The following SASH1 variants were observed in gnomAD, a reference collection of about 807,000 sequenced individuals.
SASH1 encodes SAM and SH3 domain-containing protein 1.
SASH1 carries 44 observed loss-of-function variants against 125.2 expected under a neutral mutation model. The observed-to-expected ratio is 0.35, with a 90% CI of 0.28 to 0.45. SASH1 has a LOEUF of 0.45. Ranked by LOEUF, SASH1 falls within the 20% of genes least tolerant of loss-of-function variation. The probability of loss-of-function intolerance (pLI) is 1.00; values close to 1 mark genes in which losing one functional copy is unlikely to be tolerated. For synonymous variants in SASH1, 639 were observed against 649.1 expected (o/e 0.98, Z 0.24); for missense variants, 1,426 against 1,614.5 (o/e 0.88, Z 2.00).
In SASH1 at chr6:148,511,324, T is replaced by TACACAC. The variant is rs58822082; in HGVS notation, c.730-2955_730-2950dup. Among the ~76,000 whole-genome samples the TACACAC allele has an allele frequency of 3.4e-3, 457 of 135,456 alleles. 1 individual carries two copies. The highest frequency in any genetic ancestry group is 4.0e-3 in the Non-Finnish European group (254 of 63,438). The allele number at this position is 135,456 out of a possible 152,430, so 88.9% of individuals were successfully genotyped here. A position where few individuals can be genotyped will look rare whatever the true frequency, so the allele number is the denominator to read the frequency against. ...GCTGACTTCTAGGTTAATTTTCTAT[T>TACACAC]ACACACACACACACACACACACACA... On this transcript the variant is annotated intron_variant, in intron 8 of 19. Coordinates refer to ENST00000367467, the MANE Select transcript of SASH1 (RefSeq NM_015278.5).
At chr6:148,349,229 AT>A (rs1781620886) in intron 1 of SASH1, among the ~76,000 whole-genome samples, 2 of 42,380 alleles carry the variant, frequency 4.7e-5, no homozygotes, top group South Asian at 1.6e-3. Context: ...TAACTTTTTT[AT>A]TTCATTCTTT....
the SASH1 span, among the ~76,000 whole-genome samples, chr6:148,242,154 C>T: frequency 6.6e-6 from 1 of 152,218 alleles, no homozygotes; most frequent in South Asian, 2.1e-4. Context: ...TTGCTATTTA[C>T]ATGCAACTAA....
chr6:148,513,306 G>A (rs545585527), intron 8 of SASH1: 318 of 985,450 alleles, frequency 3.2e-4, no homozygotes, highest in African/African-American at 5.4e-4. Context: ...TTGTCAGGGC[G>A]TGCGACGTGA....
Position 148,287,095 on chromosome 6 carries a change from T to TTCAG in SASH1, n.74+14718_74+14719insTCAG, listed in dbSNP as rs1417680761. On this transcript the variant is annotated intron_variant and non_coding_transcript_variant, in intron 1 of 3. Coordinates refer to the SASH1 transcript ENST00000367469. ...GGAGGTGCCGTTCTTGCCCCAGGTCTCTGATGGCATCAGGAGGAGACTTCA... is the reference window on the plus strand; with the variant it reads ...GGAGGTGCCGTTCTTGCCCCAGGTCTTCAGCTGATGGCATCAGGAGGAGACTTCA... Among the ~76,000 whole-genome samples, 12 of 152,212 alleles carry TTCAG rather than the reference T, an allele frequency of 7.9e-5. No individual in the cohort carries two copies. In the South Asian group the frequency reaches 1.2e-3, roughly 16 times the overall value.
chr6:148,511,165 T>G (rs1052443556), intron 8 of SASH1, among the ~76,000 whole-genome samples: 1 of 152,272 alleles, frequency 6.6e-6, no homozygotes, highest in South Asian at 2.1e-4. Flanking sequence ...GAGAGAATTT[T>G]TTAAAGGCAA....
At chr6:148,207,155 T>C in the SASH1 span, among the ~76,000 whole-genome samples, 1 of 152,180 alleles carries the variant, frequency 6.6e-6, no homozygotes, top group Non-Finnish European at 1.5e-5. Context: ...ACCCTGATTT[T>C]CCATGTCCTC....
intron 1 of SASH1, among the ~76,000 whole-genome samples, chr6:148,277,390 T>A (rs918557721): frequency 6.6e-6 from 1 of 152,220 alleles, no homozygotes; most frequent in Non-Finnish European, 1.5e-5. Context: ...GACATTGGGT[T>A]CACCGTGCTC....
intron 1 of SASH1, among the ~76,000 whole-genome samples, chr6:148,303,671 C>T (rs922656772): frequency 1.3e-5 from 2 of 150,350 alleles, no homozygotes; most frequent in African/African-American, 4.9e-5. Context: ...GGCGGGCACC[C>T]ATAATCCCAA....
chr6:148,422,617 C>G (rs1775619992), intron 2 of SASH1, among the ~76,000 whole-genome samples: 2 of 152,176 alleles, frequency 1.3e-5, no homozygotes, highest in Non-Finnish European at 2.9e-5. Flanking sequence ...GCACTTTTGC[C>G]ATTCAATAAA....
chr6:148,251,347 G>A, the SASH1 span, among the ~76,000 whole-genome samples: 1 of 152,082 alleles, frequency 6.6e-6, no homozygotes, highest in Non-Finnish European at 1.5e-5. Context: ...CATTTAAAAA[G>A]TATCAATACC....
At chr6:148,232,769 T>C in the SASH1 span, among the ~76,000 whole-genome samples, 2 of 152,192 alleles carry the variant, frequency 1.3e-5, no homozygotes, top group Non-Finnish European at 2.9e-5. Context: ...AAACTTGCAA[T>C]GTGTACCTCA....
intron 2 of SASH1, among the ~76,000 whole-genome samples, chr6:148,423,866 G>C (rs1418732469): frequency 6.6e-6 from 1 of 152,084 alleles, no homozygotes; most frequent in African/African-American, 2.4e-5. Context: ...GATTGGGCTA[G>C]AACTTGCAGT....
At chr6:148,386,588 G>A (rs1370395135) in intron 1 of SASH1, among the ~76,000 whole-genome samples, 2 of 152,198 alleles carry the variant, frequency 1.3e-5, no homozygotes, top group Non-Finnish European at 2.9e-5. Flanking sequence ...GCTGTTGGGA[G>A]ACATGGACTT....
chr6:148,474,847 C>G (rs926192875), intron 7 of SASH1, among the ~76,000 whole-genome samples: 2 of 152,212 alleles, frequency 1.3e-5, no homozygotes, highest in Non-Finnish European at 2.9e-5. Flanking sequence ...GTTGGAATTA[C>G]AGGCATAAGC....
chr6:148,429,236 G>A (rs1775954470), intron 2 of SASH1, among the ~76,000 whole-genome samples: 1 of 151,714 alleles, frequency 6.6e-6, no homozygotes, highest in South Asian at 2.1e-4. Context: ...ATTAAAGGAA[G>A]GAAGCTGGGC....
chr6:148,315,492 C>T (rs564707744), intron 1 of SASH1, among the ~76,000 whole-genome samples: 6 of 152,220 alleles, frequency 3.9e-5, no homozygotes, highest in Admixed American at 3.9e-4. Flanking sequence ...TTTAAAAGAC[C>T]GTACTTTTTT....
At chr6:148,334,648 C>T (rs1246333298) in intron 1 of SASH1, among the ~76,000 whole-genome samples, 1 of 151,236 alleles carries the variant, frequency 6.6e-6, no homozygotes, top group African/African-American at 2.4e-5. Context: ...CCCATCTCTA[C>T]TAAAAATACA....
intron 1 of SASH1, among the ~76,000 whole-genome samples, chr6:148,334,206 C>T (rs1287262220): frequency 1.5e-5 from 2 of 137,564 alleles, no homozygotes; most frequent in African/African-American, 2.7e-5. Context: ...GGGTGGATCA[C>T]GAGGTCAGGA....
intron 4 of SASH1, among the ~76,000 whole-genome samples, chr6:148,462,402 C>T (rs763459040): frequency 6.6e-6 from 1 of 151,642 alleles, no homozygotes; most frequent in African/African-American, 2.4e-5. Flanking sequence ...CCATTCATTG[C>T]ACTTTTCTGG....
Sources: gnomAD v4.1 joint callset for allele counts (sites outside exome capture counted in the v4.1 genomes callset) on GRCh38, gnomAD v4.1.1 for gene constraint, MANE v1.5 for transcripts, NCBI Gene and HGNC (gene_info 2026-07-23, HGNC 2026-07-21) for gene names.